Variants in COL24A1 observed in about 807,000 individuals in gnomAD.
COL24A1 encodes collagen alpha-1(XXIV) chain.
In COL24A1, 224 loss-of-function variants were observed where a neutral mutation model predicts 253.9. The observed-to-expected ratio is 0.88, with a 90% CI of 0.79 to 0.99. COL24A1 has a LOEUF of 0.99. Among genes scored for constraint, COL24A1 ranks in the 50% least tolerant of loss-of-function variants. The probability of loss-of-function intolerance (pLI) is 0.00; values close to 1 mark genes in which losing one functional copy is unlikely to be tolerated. For missense variants in COL24A1, 2,131 were observed against 2,068.5 expected, an observed-to-expected ratio of 1.03 and a Z score of -0.59; for synonymous variants, 685 against 673.7, an observed-to-expected ratio of 1.02 and a Z score of -0.26.
intron 22 of COL24A1, among the ~76,000 whole-genome samples, chr1:85,966,757 C>T (rs191536908): frequency 1.3e-5 from 2 of 151,784 alleles, no homozygotes; most frequent in East Asian, 3.9e-4. Context: ...AACCACTGAT[C>T]GTATTTATCA....
At chr1:85,737,844 G>A (rs923335848) in intron 57 of COL24A1, among the ~76,000 whole-genome samples, 5 of 124,000 alleles carry the variant, frequency 4.0e-5, no homozygotes, top group Non-Finnish European at 9.6e-5. Flanking sequence ...GATTACAGGC[G>A]TGAGCCACTG....
chr1:85,968,191 T>A (rs1210038457), intron 22 of COL24A1, among the ~76,000 whole-genome samples: 2 of 152,230 alleles, frequency 1.3e-5, no homozygotes, highest in African/African-American at 4.8e-5. Flanking sequence ...ATCGTGTAAG[T>A]TAATACTTAA....
chr1:86,141,849 T>C (rs1443779554), intron 2 of COL24A1, among the ~76,000 whole-genome samples: 1 of 151,958 alleles, frequency 6.6e-6, no homozygotes, highest in African/African-American at 2.4e-5. Context: ...TACAGGCATA[T>C]GCCACCACAT....
intron 59 of COL24A1, among the ~76,000 whole-genome samples, chr1:85,733,030 G>A (rs1220200115): frequency 6.6e-6 from 1 of 152,136 alleles, no homozygotes; most frequent in African/African-American, 2.4e-5. Flanking sequence ...GTACTAGTGA[G>A]TCACTGAATG....
intron 21 of COL24A1, 98 bp downstream of exon 21, chr1:85,971,242 T>C: frequency 1.2e-6 from 1 of 859,464 alleles, no homozygotes; most frequent in East Asian, 2.6e-5. Flanking sequence ...GGAAATCTGA[T>C]GGTGTTTAAG....
intron 7 of COL24A1, among the ~76,000 whole-genome samples, chr1:86,080,069 C>T (rs1326806879): frequency 6.6e-6 from 1 of 152,110 alleles, no homozygotes; most frequent in Non-Finnish European, 1.5e-5. Context: ...TACATATACA[C>T]AATGGAGTAC....
chr1:85,744,645 T>C (rs1468300551), intron 57 of COL24A1, 21 bp downstream of exon 57: 1 of 1,572,838 alleles, frequency 6.4e-7, no homozygotes. Flanking sequence ...CTATCAGAGT[T>C]TGAGGTAACC....
chr1:85,847,533 T>G, intron 39 of COL24A1, 132 bp downstream of exon 39: 2 of 613,390 alleles, frequency 3.3e-6, no homozygotes, highest in East Asian at 2.7e-5. Flanking sequence ...CCACATCCCA[T>G]GGAGGTAGAT....
At chr1:85,817,936 C>A (rs755355887) in intron 46 of COL24A1, 98 bp downstream of exon 46, 36 of 952,254 alleles carry the variant, frequency 3.8e-5, no homozygotes, top group Non-Finnish European at 5.2e-5. Flanking sequence ...TCTGATTTAT[C>A]CAACATGATG....
intron 47 of COL24A1, among the ~76,000 whole-genome samples, chr1:85,804,999 C>A (rs1428375360): frequency 6.6e-6 from 1 of 152,106 alleles, no homozygotes; most frequent in African/African-American, 2.4e-5. Flanking sequence ...TGCTACAACA[C>A]CCAGACAATT....
chr1:85,779,047 C>A (rs901935515), intron 52 of COL24A1, among the ~76,000 whole-genome samples: 1 of 152,024 alleles, frequency 6.6e-6, no homozygotes, highest in East Asian at 1.9e-4. Flanking sequence ...ACTCTGTTTG[C>A]GCAGGCTGGA....
chr1:85,833,519 G>A (rs1028474328), intron 43 of COL24A1, among the ~76,000 whole-genome samples: 2 of 152,154 alleles, frequency 1.3e-5, no homozygotes, highest in African/African-American at 4.8e-5. Flanking sequence ...CTGTTGGTGG[G>A]ACTGTAAACT....
intron 24 of COL24A1, among the ~76,000 whole-genome samples, chr1:85,960,348 G>C (rs573851399): frequency 6.6e-6 from 1 of 152,022 alleles, no homozygotes; most frequent in Non-Finnish European, 1.5e-5. Flanking sequence ...TCATTTGTTA[G>C]AGAATATTTT....
intron 1 of COL24A1, among the ~76,000 whole-genome samples, chr1:86,148,953 T>G (rs1238352972): frequency 2.0e-5 from 3 of 152,172 alleles, no homozygotes; most frequent in African/African-American, 7.2e-5. Context: ...TGAACTAGTT[T>G]ACAGTCCCAC....
chr1:86,075,939 A>C (rs1190913908), intron 7 of COL24A1, among the ~76,000 whole-genome samples: 1 of 152,232 alleles, frequency 6.6e-6, no homozygotes, highest in African/African-American at 2.4e-5. Flanking sequence ...CCAATATCAT[A>C]CTGAATGAGT....
chr1:85,779,047 C>T (rs901935515), intron 52 of COL24A1, among the ~76,000 whole-genome samples: 11 of 152,024 alleles, frequency 7.2e-5, no homozygotes, highest in Non-Finnish European at 1.6e-4. Context: ...ACTCTGTTTG[C>T]GCAGGCTGGA....
chr1:85,846,304 T>C (rs1045665160), intron 39 of COL24A1, among the ~76,000 whole-genome samples: 5 of 151,746 alleles, frequency 3.3e-5, no homozygotes, highest in African/African-American at 1.2e-4. Context: ...TAGAAGAATA[T>C]GGAAGAATAT....
intron 23 of COL24A1, among the ~76,000 whole-genome samples, chr1:85,964,257 C>G (rs910602994): frequency 4.6e-4 from 70 of 152,050 alleles, no homozygotes; most frequent in African/African-American, 1.6e-3. Flanking sequence ...TGTAATAAAC[C>G]ATTGCATTAC....
At chr1:85,843,413 T>C (rs1274607398) in intron 39 of COL24A1, among the ~76,000 whole-genome samples, 1 of 152,222 alleles carries the variant, frequency 6.6e-6, no homozygotes, top group Non-Finnish European at 1.5e-5. Flanking sequence ...TAGAATAGAA[T>C]GTAACTACTC....
Sources: allele counts gnomAD v4.1 joint callset (sites outside exome capture counted in the v4.1 genomes callset), GRCh38; gene constraint gnomAD v4.1.1; transcripts MANE v1.5; gene names NCBI Gene and HGNC (gene_info 2026-07-23, HGNC 2026-07-21).